Variants in TRAP1 observed in about 807,000 individuals in gnomAD.
TRAP1 encodes the protein heat shock protein 75 kDa, mitochondrial.
A neutral mutation model predicts 89.1 loss-of-function variants in TRAP1; 102 were observed. The ratio of observed to expected loss-of-function variants is 1.15; its 90% CI spans 0.98 to 1.35. The LOEUF is 1.35. Ranked by LOEUF, TRAP1 falls within the 40% of genes most tolerant of loss-of-function variation. TRAP1 has a pLI of 0.00. For missense variants in TRAP1, 1,256 were observed against 945.3 expected (o/e 1.33, Z -4.31); for synonymous variants, 508 against 388.0 (o/e 1.31, Z -3.64).
chr16:3,692,723 C>T (rs1481192364), intron 1 of TRAP1, among the ~76,000 whole-genome samples: 4 of 144,990 alleles, frequency 2.8e-5, no homozygotes, highest in Non-Finnish European at 4.5e-5. Context: ...CTCAGCCTCC[C>T]GAGTAGCTGG....
chr16:3,664,186 G>A, intron 13 of TRAP1, 88 bp downstream of exon 13: 1 of 1,371,634 alleles, frequency 7.3e-7, no homozygotes, highest in South Asian at 1.6e-5. Context: ...CGGAGTCTTG[G>A]GCAGGTTCAC....
chr16:3,665,774 G>A (rs965703675), intron 12 of TRAP1, among the ~76,000 whole-genome samples, 197 bp downstream of exon 12: 1 of 152,220 alleles, frequency 6.6e-6, no homozygotes, highest in African/African-American at 2.4e-5. Flanking sequence ...AGCACTGGTG[G>A]GAGGGTAAGG....
chr16:3,658,589 C>A, intron 17 of TRAP1: 1 of 592,762 alleles, frequency 1.7e-6, no homozygotes, highest in Admixed American at 3.0e-5. Context: ...AGGGGAATTG[C>A]TTGAACCCGG....
chr16:3,683,130 C>T (rs57987571), intron 4 of TRAP1, among the ~76,000 whole-genome samples: 3 of 151,702 alleles, frequency 2.0e-5, no homozygotes, highest in Non-Finnish European at 4.4e-5. Flanking sequence ...AATCACACCA[C>T]TGCACTCCAG....
rs1283089045 is a variant in TRAP1 at position 3,662,013 on chromosome 16, CAGG to C, written c.1911_1913del (p.Leu638del). The C allele has an allele frequency of 1.5e-5, 24 of 1,611,114 alleles. No individual in the cohort carries two copies. The Admixed American group carries it at 4.0e-4, about 27-fold the overall frequency. ...TGGGGTTGATCTCCAGCGTGGGCTG[CAGG>C]AGCTGTGCGCGCTCCTCCTGGGTCT... On this transcript the variant is annotated inframe_deletion, in exon 16 of 18. Coordinates refer to ENST00000246957, the MANE Select transcript of TRAP1 (RefSeq NM_016292.3).
chr16:3,663,760 G>A (rs1214465181), intron 13 of TRAP1, 198 bp from the exon 14 acceptor site: 9 of 627,578 alleles, frequency 1.4e-5, no homozygotes, highest in Non-Finnish European at 2.2e-5. Flanking sequence ...CTTCAAGGCA[G>A]AAGCACTCCA....
intron 1 of TRAP1, among the ~76,000 whole-genome samples, chr16:3,698,165 TC>T (rs961520478): frequency 7.2e-5 from 11 of 151,774 alleles, no homozygotes; most frequent in African/African-American, 2.7e-4. Flanking sequence ...TATATAGAAG[TC>T]CTCACAATTG....
Position 3,676,198 on chromosome 16 carries a change from C to G in TRAP1, c.705-53G>C, listed in dbSNP as rs528363726. ...AGGTGGATGTGACACTGGGACATAC[C>G]CTGCATGGGACTCCAGCGGTTCCCG... On this transcript the variant is annotated intron_variant, in intron 6 of 17. Transcript: ENST00000246957. 5 of 1,510,138 alleles carry G rather than the reference C, an allele frequency of 3.3e-6. No homozygotes were observed. In the Admixed American group the frequency reaches 5.3e-5, roughly 16 times the overall value. The allele number at this position is 1,510,138 out of a possible 1,614,324, so 93.5% of individuals were successfully genotyped here.
chr16:3,673,316 A>T (rs1453467628), intron 9 of TRAP1, among the ~76,000 whole-genome samples: 1 of 152,224 alleles, frequency 6.6e-6, no homozygotes, highest in Non-Finnish European at 1.5e-5. Flanking sequence ...CTCAGAGGGC[A>T]GCAGGGCAGT....
intron 1 of TRAP1, among the ~76,000 whole-genome samples, chr16:3,704,910 T>C (rs17198911): frequency 0.14 from 20,490 of 151,712 alleles, 1,756 homozygotes; most frequent in Non-Finnish European, 0.19. Context: ...AGATGGACCA[T>C]AGAAGTAAAA....
chr16:3,683,150 C>G (rs931149487), intron 4 of TRAP1, among the ~76,000 whole-genome samples: 1 of 150,834 alleles, frequency 6.6e-6, no homozygotes, highest in African/African-American at 2.4e-5. Flanking sequence ...GCGTGGGCAA[C>G]AAGAGCAAAA....
intron 2 of TRAP1, among the ~76,000 whole-genome samples, 181 bp downstream of exon 2, chr16:3,690,646 C>G (rs1167377711): frequency 6.6e-6 from 1 of 152,356 alleles, no homozygotes; most frequent in South Asian, 2.1e-4. Context: ...ACACCCGACA[C>G]TGGCAGAAGT....
chr16:3,695,222 G>A (rs1488054074), intron 1 of TRAP1, among the ~76,000 whole-genome samples: 1 of 152,158 alleles, frequency 6.6e-6, no homozygotes, highest in Admixed American at 6.6e-5. Context: ...TTCGTGGGGA[G>A]ACACAATTCA....
intron 1 of TRAP1, among the ~76,000 whole-genome samples, chr16:3,706,357 G>A (rs2051445913): frequency 6.6e-6 from 1 of 151,852 alleles, no homozygotes; most frequent in Admixed American, 6.6e-5. Flanking sequence ...CATGGTGCAT[G>A]GTAGCCTCCA....
At chr16:3,671,034 G>A (rs1424059056) in intron 11 of TRAP1, among the ~76,000 whole-genome samples, 2 of 152,152 alleles carry the variant, frequency 1.3e-5, no homozygotes, top group Non-Finnish European at 2.9e-5. Flanking sequence ...AGAGAAACCG[G>A]TGGGCAGAGA....
chr16:3,658,962 G>GTAAGACTGTCTGTAGTTTT, intron 16 of TRAP1, 97 bp from the exon 17 acceptor site: 2 of 1,232,230 alleles, frequency 1.6e-6, no homozygotes, highest in Non-Finnish European at 2.3e-6. Context: ...AAGAAGCACA[G>GTAAGACTGTCTGTAGTTTT]TAAGACTGTC....
intron 1 of TRAP1, among the ~76,000 whole-genome samples, chr16:3,692,509 C>T (rs1454008290): frequency 6.9e-6 from 1 of 145,872 alleles, no homozygotes; most frequent in East Asian, 2.0e-4. Flanking sequence ...GCACTACAGG[C>T]TGGGTGACAG....
Position 3,663,564 on chromosome 16 carries a change from T to A in TRAP1, c.1570-2A>T, listed in dbSNP as rs1403968676. ...AAACTGCTCAAAGCAGAAGAGAACC[T>A]GCAGGTGGCCAAGAGCAGCTCCATC... On this transcript the variant is annotated splice_acceptor_variant, in intron 13 of 17. Coordinates refer to ENST00000246957, the MANE Select transcript of TRAP1 (RefSeq NM_016292.3). LOFTEE classifies it high-confidence loss of function. 1 of 1,613,656 alleles carries A rather than the reference T, an allele frequency of 6.2e-7. No homozygotes were observed. The highest frequency in any genetic ancestry group is 8.5e-7 in the Non-Finnish European group (1 of 1,179,878).
rs774480789 is a variant in TRAP1 at position 3,663,605 on chromosome 16, C to A, written c.1570-43G>T. On this transcript the variant is annotated intron_variant, in intron 13 of 17. Transcript: ENST00000246957. ...CAGCTCCATCAGACCCCGGGGGCCT[C>A]CAGCCACCACAGAAGAAAGGATGAG... The A allele has an allele frequency of 2.5e-6, 4 of 1,609,698 alleles. No homozygotes were observed. The Admixed American group carries it at 6.7e-5, about 27-fold the overall frequency.
Sources: gnomAD v4.1 joint callset for allele counts (sites outside exome capture counted in the v4.1 genomes callset) on GRCh38, gnomAD v4.1.1 for gene constraint, MANE v1.5 for transcripts, NCBI Gene and HGNC (gene_info 2026-07-23, HGNC 2026-07-21) for gene names.